ANTXR1: variants seen among roughly 807,000 people sequenced by gnomAD.
The protein encoded by ANTXR1 is ANTXR cell adhesion molecule 1, also known as anthrax toxin receptor 1.
Under a neutral mutation model 78.1 loss-of-function variants are expected in ANTXR1, and 19 were observed. That is an observed-to-expected ratio of 0.24 (90% CI 0.17 to 0.36). The LOEUF is 0.36. Among genes scored for constraint, ANTXR1 ranks in the 10% least tolerant of loss-of-function variants. The pLI, the probability that ANTXR1 is intolerant of heterozygous loss-of-function variation, is 1.00. For missense variants in ANTXR1, 518 were observed against 718.6 expected, an observed-to-expected ratio of 0.72 and a Z score of 3.19; for synonymous variants, 273 against 260.5, an observed-to-expected ratio of 1.05 and a Z score of -0.46.
intron 10 of ANTXR1, among the ~76,000 whole-genome samples, chr2:69,116,009 C>T (rs538212682): frequency 5.3e-5 from 8 of 152,316 alleles, no homozygotes; most frequent in Non-Finnish European, 1.0e-4. Flanking sequence ...CCATCCATTC[C>T]CATTCGGCTT....
At chr2:69,076,735 GAGTA>G (rs1372489768) in intron 7 of ANTXR1, among the ~76,000 whole-genome samples, 2 of 152,222 alleles carry the variant, frequency 1.3e-5, no homozygotes, top group African/African-American at 2.4e-5. Flanking sequence ...TTTTTACAAT[GAGTA>G]AGTATTACTT....
chr2:69,013,783 A>C lies in ANTXR1; in HGVS notation c.152+132A>C. The C allele has an allele frequency of 6.8e-7, 1 of 1,468,872 alleles. No individual in the cohort carries two copies. Among genetic ancestry groups the C allele is most frequent in the Non-Finnish European group, 9.3e-7 (1 of 1,076,700 alleles). 91.0% of individuals were successfully genotyped at this position (1,468,872 alleles called of 1,614,324 possible). ...CAGGGCCACAGAGGGACCGCGCGGC[A>C]GGCGGCGGCGGAGTGCTGCGCCTTT... On this transcript the variant is annotated intron_variant, in intron 1 of 17. Transcript: ENST00000303714. This position sits in a 1 kb window ranked among gnomAD's most constrained non-coding sequence, Gnocchi z 5.0.
intron 9 of ANTXR1, among the ~76,000 whole-genome samples, chr2:69,092,856 T>C (rs1403090593): frequency 6.6e-6 from 1 of 152,218 alleles, no homozygotes; most frequent in Non-Finnish European, 1.5e-5. Context: ...ATTTGATTAA[T>C]TAAATCTCAT....
In ANTXR1 at chr2:69,170,284, A is replaced by T; in HGVS notation, c.1084A>T (p.Ser362Cys). The change falls in exon 14 of 18, where the codon AGT becomes TGT. Residue 362 changes from serine to cysteine, a missense_variant. Coordinates refer to ENST00000303714, the MANE Select transcript of ANTXR1 (RefSeq NM_032208.3). Reference sequence around the variant, plus strand: ...GGTCCCTCCACCCCCTGCCGAGGAGAGTGAGGTAAGTGACCACAGCAGGAT... The same window carrying T: ...GGTCCCTCCACCCCCTGCCGAGGAGTGTGAGGTAAGTGACCACAGCAGGAT... ...KEVPPPPAEESEEEDDDGLPK... is the reference protein window; with the variant it reads ...KEVPPPPAEECEEEDDDGLPK... The T allele has an allele frequency of 6.2e-7, 1 of 1,613,922 alleles. No individual in the cohort carries two copies. The highest frequency in any genetic ancestry group is 8.5e-7 in the Non-Finnish European group (1 of 1,179,994).
chr2:69,108,965 G>C (rs1048573657), intron 10 of ANTXR1, among the ~76,000 whole-genome samples: 3 of 152,198 alleles, frequency 2.0e-5, no homozygotes, highest in African/African-American at 2.4e-5. Flanking sequence ...TATAAAGCAA[G>C]TGTGAAGAGT....
At chr2:69,091,365 C>T (rs1471523920) in intron 9 of ANTXR1, among the ~76,000 whole-genome samples, 3 of 147,900 alleles carry the variant, frequency 2.0e-5, no homozygotes, top group Middle Eastern at 3.7e-3. Flanking sequence ...CTCTTGAACC[C>T]GGGAGGCAGA....
chr2:69,044,722 G>A lies in ANTXR1; in HGVS notation c.225-20G>A. 1 of 1,613,302 alleles carries A rather than the reference G, an allele frequency of 6.2e-7. No homozygotes were observed. Among genetic ancestry groups the A allele is most frequent in the Non-Finnish European group, 8.5e-7 (1 of 1,179,332 alleles). On this transcript the variant is annotated intron_variant, in intron 2 of 17. Coordinates refer to ENST00000303714, the MANE Select transcript of ANTXR1 (RefSeq NM_032208.3). ...CGCAGTCTTATTGTCTGTCCTAATA[G>A]AGCTTCTTTTCCTTTCCAGCCCACA...
intron 1 of ANTXR1, among the ~76,000 whole-genome samples, chr2:69,029,274 A>G (rs752953734): frequency 6.8e-4 from 103 of 150,630 alleles, no homozygotes; most frequent in Non-Finnish European, 1.3e-3. Context: ...GTCAAAGACT[A>G]GATCCAGGAT....
intron 16 of ANTXR1, among the ~76,000 whole-genome samples, chr2:69,186,162 C>A (rs1180919939): frequency 2.6e-5 from 4 of 152,124 alleles, no homozygotes; most frequent in Admixed American, 6.5e-5. Context: ...CCACACAGAC[C>A]ATTTTGGCAT....
rs1249601863 is a variant in ANTXR1, at chr2:69,246,674, C to T, written c.*1189C>T. On this transcript the variant is annotated 3_prime_UTR_variant, in exon 18 of 18. Transcript: ENST00000303714. ...AAGGGGAAATACATCAGATCTGCAA[C>T]ACAGAAATGCTCTGCCTGAAATTTC... 6.6e-6 allele frequency: 1 copy of T among 152,194 alleles called. No homozygotes were observed. Among genetic ancestry groups the T allele is most frequent in the Non-Finnish European group, 1.5e-5 (1 of 68,062 alleles). 9.4% of individuals were successfully genotyped at this position (152,194 alleles called of 1,614,324 possible). A position where few individuals can be genotyped will look rare whatever the true frequency, so the allele number is the denominator to read the frequency against.
At chr2:69,120,396 T>G (rs776132478) in intron 10 of ANTXR1, among the ~76,000 whole-genome samples, 7 of 152,192 alleles carry the variant, frequency 4.6e-5, no homozygotes, top group Non-Finnish European at 1.0e-4. Context: ...CCGGGTGCGG[T>G]GGCTCACGCC....
At chr2:69,219,123 G>A (rs57310519) in intron 17 of ANTXR1, among the ~76,000 whole-genome samples, 2 of 152,216 alleles carry the variant, frequency 1.3e-5, no homozygotes, top group African/African-American at 2.4e-5. Flanking sequence ...CACCACGAAA[G>A]GGCAGCTTGC....
intron 2 of ANTXR1, among the ~76,000 whole-genome samples, chr2:69,041,931 C>T (rs552605269): frequency 6.6e-6 from 1 of 152,186 alleles, no homozygotes; most frequent in East Asian, 1.9e-4. Context: ...TACCATCACC[C>T]AAACTCCACC....
At chr2:69,133,428 G>A (rs115691675) in intron 12 of ANTXR1, among the ~76,000 whole-genome samples, 1 of 152,246 alleles carries the variant, frequency 6.6e-6, no homozygotes, top group African/African-American at 2.4e-5. Flanking sequence ...ACATAACCTG[G>A]AAGAATGAGG....
At chr2:69,129,133 C>A (rs1672643262) in intron 12 of ANTXR1, among the ~76,000 whole-genome samples, 1 of 152,192 alleles carries the variant, frequency 6.6e-6, no homozygotes. Flanking sequence ...TTTAAATACA[C>A]CCATCTCTGT....
chr2:69,094,355 C>T (rs528534153), intron 9 of ANTXR1, among the ~76,000 whole-genome samples: 21 of 152,146 alleles, frequency 1.4e-4, no homozygotes, highest in South Asian at 6.2e-4. Flanking sequence ...TATGTTTCTC[C>T]GCTGAAAGAA....
chr2:69,076,777 A>AT (rs1314766633), intron 7 of ANTXR1, among the ~76,000 whole-genome samples: 131 of 152,306 alleles, frequency 8.6e-4, no homozygotes, highest in Non-Finnish European at 1.2e-4. Flanking sequence ...AATAAAACAT[A>AT]TTTTTTTAGA....
At chr2:69,123,339 C>T (rs1002401628) in intron 11 of ANTXR1, among the ~76,000 whole-genome samples, 5 of 152,222 alleles carry the variant, frequency 3.3e-5, no homozygotes, top group African/African-American at 1.2e-4. Flanking sequence ...GAGACTGTGG[C>T]TGCAAGACTT....
intron 9 of ANTXR1, among the ~76,000 whole-genome samples, chr2:69,098,814 C>T (rs753606582): frequency 9.9e-5 from 15 of 152,064 alleles, no homozygotes; most frequent in Non-Finnish European, 2.9e-5. Context: ...GGTGAAACCC[C>T]GTGTCTACTA....
Sources: allele counts gnomAD v4.1 joint callset (sites outside exome capture counted in the v4.1 genomes callset), GRCh38; gene constraint gnomAD v4.1.1; non-coding constraint Gnocchi (gnomAD v3.1); transcripts MANE v1.5; gene names NCBI Gene and HGNC (gene_info 2026-07-23, HGNC 2026-07-21).